Variants in MFSD6 observed in about 807,000 individuals in gnomAD.
The protein encoded by MFSD6 is major facilitator superfamily domain containing 6, also known as major facilitator superfamily domain-containing protein 6.
MFSD6 carries 26 observed loss-of-function variants against 56.3 expected under a neutral mutation model. That is an observed-to-expected ratio of 0.46 (90% confidence interval 0.34 to 0.64). The LOEUF (loss-of-function observed/expected upper bound fraction) is 0.64. MFSD6 is among the 30% of genes least tolerant of loss of function. The pLI is 0.01. For synonymous variants in MFSD6, 331 were observed against 366.9 expected, an observed-to-expected ratio of 0.90 and a Z score of 1.12; for missense variants, 750 against 986.2, an observed-to-expected ratio of 0.76 and a Z score of 3.21.
In MFSD6 at chr2:190,410,862, C is replaced by T. The variant is rs1265504127; in HGVS notation, c.-176+2359C>T. 6.6e-6 allele frequency among the ~76,000 whole-genome samples: 1 copy of T among 151,890 alleles called. No homozygotes were observed. Among genetic ancestry groups the T allele is most frequent in the Non-Finnish European group, 1.5e-5 (1 of 67,984 alleles). On this transcript the variant is annotated intron_variant, in intron 1 of 7. Coordinates refer to ENST00000392328, the MANE Select transcript of MFSD6 (RefSeq NM_017694.4). This position sits in a 1 kb window ranked among gnomAD's most constrained non-coding sequence, Gnocchi z 4.4. The stretch of plus-strand genomic sequence containing the variant: ...CACGAAGTCAGGAGTTCAAGACCAG[C>T]CTGGCCAAGATGGTGAAATCCCACC...
At position 190,488,253 on chromosome 2, in the gene MFSD6, C is replaced by T. The variant is rs920617043; in HGVS notation, c.1631-404C>T. On this transcript the variant is annotated intron_variant, in intron 4 of 7. Transcript: ENST00000392328. The surrounding 1 kb of genome is among the most constrained non-coding windows in gnomAD (Gnocchi z 6.4). ...AGATACTTGCATACCAGGTTGATAG[C>T]AGCATTAATCAAAGTAGCAGAAGGA... Among the ~76,000 whole-genome samples the T allele has an allele frequency of 1.3e-5, 2 of 152,180 alleles. No homozygotes were observed. Among genetic ancestry groups the T allele is most frequent in the African/African-American group, 4.8e-5 (2 of 41,434 alleles).
At chr2:190,407,971 C>CG (rs71027218), upstream of MFSD6, among the ~76,000 whole-genome samples, 5 of 152,182 alleles carry the variant, frequency 3.3e-5, no homozygotes, top group East Asian at 1.9e-4. This position sits in a 1 kb window ranked among gnomAD's most constrained non-coding sequence, Gnocchi z 5.4. Flanking sequence ...CTTGGGGGTG[C>CG]GGGGGGGTGG....
rs116097269 is a variant in MFSD6 at position 190,436,519 on chromosome 2, C to A, written c.490C>A (p.Arg164Ser). The A allele has an allele frequency of 7.4e-6, 12 of 1,614,088 alleles. No individual in the cohort carries two copies. In the Admixed American group the frequency reaches 2.0e-4, roughly 27 times the overall value. ...TACCTTGAGATGTGTACCAAAGATT[C>A]GCCCAACAACTCACCCCACCAATGC... Reference protein sequence around the residue: ...PATLRCVPKIRPTTHPTNASH... With the variant: ...PATLRCVPKISPTTHPTNASH... Residue 164 changes from arginine to serine, a missense_variant, in exon 3 of 8, where the codon CGC becomes AGC. By Grantham distance (110) the Arg-to-Ser change is moderately radical (BLOSUM62 -1). Around this residue, in one of 5 missense-constraint regions of MFSD6, gnomAD observed 376 missense variants for 437.9 expected, o/e 0.86. Coordinates refer to ENST00000392328, the MANE Select transcript of MFSD6 (RefSeq NM_017694.4). This position sits in a 1 kb window ranked among gnomAD's most constrained non-coding sequence, Gnocchi z 5.3.
intron 3 of MFSD6, among the ~76,000 whole-genome samples, chr2:190,445,922 G>T (rs1256977778): frequency 6.6e-6 from 1 of 151,956 alleles, no homozygotes; most frequent in African/African-American, 2.4e-5. Flanking sequence ...AAACAGTTTT[G>T]TTTTTTATCG....
Position 190,462,930 on chromosome 2 carries a change from G to C in MFSD6, c.1533-6828G>C, listed in dbSNP as rs533025906. Among the ~76,000 whole-genome samples the C allele has an allele frequency of 6.6e-6, 1 of 152,136 alleles. No homozygotes were observed. Among genetic ancestry groups the C allele is most frequent in the African/African-American group, 2.4e-5 (1 of 41,436 alleles). Reference sequence around the variant, plus strand: ...TACCACCATTCTAGCACTAGAGGAGGGTACCATGATGTAACTCAGGCCACC... The same window carrying C: ...TACCACCATTCTAGCACTAGAGGAGCGTACCATGATGTAACTCAGGCCACC... On this transcript the variant is annotated intron_variant, in intron 3 of 7. Coordinates refer to ENST00000392328, the MANE Select transcript of MFSD6 (RefSeq NM_017694.4). This position sits in a 1 kb window ranked among gnomAD's most constrained non-coding sequence, Gnocchi z 5.7.
intron 3 of MFSD6, among the ~76,000 whole-genome samples, chr2:190,450,171 C>G (rs1239781405): frequency 6.6e-6 from 1 of 152,034 alleles, no homozygotes; most frequent in Non-Finnish European, 1.5e-5. Context: ...TGTCAGTTTA[C>G]TGCGTTTTTA....
chr2:190,411,809 C>T, intron 1 of MFSD6: 1 of 985,284 alleles, frequency 1.0e-6, no homozygotes, highest in African/African-American at 1.7e-5. Context: ...TTCTACAACT[C>T]CTCAGTTTTC....
Position 190,492,500 on chromosome 2 carries a change from ATAAT to A in MFSD6, c.1891+2640_1891+2643del, listed in dbSNP as rs1431734772. 6.6e-6 allele frequency among the ~76,000 whole-genome samples: 1 copy of A among 152,208 alleles called. No individual in the cohort carries two copies. Among genetic ancestry groups the A allele is most frequent in the Non-Finnish European group, 1.5e-5 (1 of 68,028 alleles). On this transcript the variant is annotated intron_variant, in intron 6 of 7. Transcript: ENST00000392328. This position sits in a 1 kb window ranked among gnomAD's most constrained non-coding sequence, Gnocchi z 5.2. ...GGATTGAGGCCCTATGTTCAGCCTC[ATAAT>A]TAATTTCCATAAATAAATGGAAATT...
intron 1 of MFSD6, among the ~76,000 whole-genome samples, chr2:190,408,911 G>C (rs2124971848): frequency 6.6e-6 from 1 of 152,224 alleles, no homozygotes; most frequent in South Asian, 2.1e-4. Flanking sequence ...GCCGATGCCC[G>C]GGTCCTCCTC....
Position 190,491,044 on chromosome 2 carries a change from GTAGT to G in MFSD6, c.1891+1181_1891+1184del, listed in dbSNP as rs1429544625. 6.6e-6 allele frequency among the ~76,000 whole-genome samples: 1 copy of G among 152,164 alleles called. No homozygotes were observed. The highest frequency in any genetic ancestry group is 1.5e-5 in the Non-Finnish European group (1 of 68,032). On this transcript the variant is annotated intron_variant, in intron 6 of 7. Transcript: ENST00000392328. This position sits in a 1 kb window ranked among gnomAD's most constrained non-coding sequence, Gnocchi z 4.2. Reference sequence around the variant, plus strand: ...CATGGCTCTCCCAAAGTTATAAGATGTAGTTAAAGTTGTATTTTGAGAAAAATGT... The same window carrying G: ...CATGGCTCTCCCAAAGTTATAAGATGTAAAGTTGTATTTTGAGAAAAATGT...
Position 190,489,828 on chromosome 2 carries a change from C to T in MFSD6, c.1853C>T (p.Ala618Val), listed in dbSNP as rs1469190551. The change falls in exon 6 of 8, where the codon GCC (alanine) becomes GTC (valine). Residue 618 changes from alanine to valine, a missense_variant. Ala to Val is a moderately conservative substitution (Grantham distance 64). Around this residue, in one of 5 missense-constraint regions of MFSD6, gnomAD observed 125 missense variants for 223.1 expected, o/e 0.56. Transcript: ENST00000392328. This position sits in a 1 kb window ranked among gnomAD's most constrained non-coding sequence, Gnocchi z 6.6. The part of the protein sequence containing the change: ...MACLVILLLF[A>V]LIQWLAVPDE... ...TGCTTGGTGATCCTACTGCTCTTTG[C>T]CCTGATCCAGTGGCTGGCAGTGCCA... 6.2e-7 allele frequency: 1 copy of T among 1,614,016 alleles called. No individual in the cohort carries two copies. The highest frequency in any genetic ancestry group is 1.7e-5 in the Admixed American group (1 of 60,000).
intron 4 of MFSD6, among the ~76,000 whole-genome samples, chr2:190,474,584 A>G (rs1474426313): frequency 6.6e-6 from 1 of 152,334 alleles, no homozygotes; most frequent in East Asian, 1.9e-4. Flanking sequence ...ATAGCTTACC[A>G]ACCAAAAAAA....
rs1435055406 is a variant in MFSD6, at chr2:190,430,698, C to A, written c.-53-5279C>A. ...CACAAAACCGCCATTGTCATCATGG[C>A]CCGTTCTCAATGAGCTGTTGGGTAC... On this transcript the variant is annotated intron_variant, in intron 2 of 7. Transcript: ENST00000392328. Among the ~76,000 whole-genome samples, 7 of 151,728 alleles carry A rather than the reference C, an allele frequency of 4.6e-5. No homozygotes were observed. The East Asian group carries it at 1.4e-3, about 29-fold the overall frequency.
intron 4 of MFSD6, among the ~76,000 whole-genome samples, chr2:190,484,962 A>G (rs1219799505): frequency 6.6e-6 from 1 of 152,142 alleles, no homozygotes; most frequent in Non-Finnish European, 1.5e-5. Context: ...TAATTCCCTG[A>G]GTTAATTTAA....
At position 190,454,677 on chromosome 2, in the gene MFSD6, T is replaced by C. The variant is rs1686919770; in HGVS notation, c.1533-15081T>C. The stretch of plus-strand genomic sequence containing the variant: ...TCTCAGATTTCCAGCTCCAGAACTA[T>C]AAGAAATAAATGTCTATTGCTTAAC... On this transcript the variant is annotated intron_variant, in intron 3 of 7. Coordinates refer to ENST00000392328, the MANE Select transcript of MFSD6 (RefSeq NM_017694.4). This position sits in a 1 kb window ranked among gnomAD's most constrained non-coding sequence, Gnocchi z 4.6. Among the ~76,000 whole-genome samples the C allele has an allele frequency of 2.0e-5, 3 of 152,070 alleles. No individual in the cohort carries two copies. The highest frequency in any genetic ancestry group is 4.4e-5 in the Non-Finnish European group (3 of 68,006).
chr2:190,478,871 A>G (rs1338049285), intron 4 of MFSD6, among the ~76,000 whole-genome samples: 4 of 151,720 alleles, frequency 2.6e-5, no homozygotes, highest in Non-Finnish European at 5.9e-5. Flanking sequence ...TCTTTATCCT[A>G]CCACCCTTGC....
intron 2 of MFSD6, among the ~76,000 whole-genome samples, chr2:190,430,224 AATTG>A (rs1685923538): frequency 1.1e-5 from 1 of 90,864 alleles, no homozygotes; most frequent in African/African-American, 4.1e-5. Context: ...TTTTTTTTTT[AATTG>A]ATCATTCTTG....
At chr2:190,442,415 TAGGTAGCCATAGCA>T (rs1192273632) in intron 3 of MFSD6, among the ~76,000 whole-genome samples, 1 of 151,958 alleles carries the variant, frequency 6.6e-6, no homozygotes, top group African/African-American at 2.4e-5. Flanking sequence ...CTGGAGGCAG[TAGGTAGCCATAGCA>T]AGGTTCAAAG....
rs184453620 is a variant in MFSD6, at chr2:190,412,655, C to A, written c.-175-2637C>A. 144 of 964,696 alleles carry A rather than the reference C, an allele frequency of 1.5e-4. 1 individual carries two copies. In the Admixed American group the frequency reaches 5.7e-3, roughly 38 times the overall value. 59.8% of individuals were successfully genotyped at this position (964,696 alleles called of 1,614,324 possible). On this transcript the variant is annotated intron_variant, in intron 1 of 7. Coordinates refer to ENST00000392328, the MANE Select transcript of MFSD6 (RefSeq NM_017694.4). The surrounding 1 kb of genome is among the most constrained non-coding windows in gnomAD (Gnocchi z 4.1). ...GAACATTTCCTTTGAGTTTATAATT[C>A]CTCCATGTTTAATTATCCAACATTA...
Sources: gnomAD v4.1 joint callset for allele counts (sites outside exome capture counted in the v4.1 genomes callset) on GRCh38, gnomAD v4.1.1 for gene constraint, gnomAD v4.1.1 regional missense constraint, Gnocchi (gnomAD v3.1) non-coding constraint, MANE v1.5 for transcripts, NCBI Gene and HGNC (gene_info 2026-07-23, HGNC 2026-07-21) for gene names.